Variants in ELK4 observed in about 807,000 individuals in gnomAD.
ELK4 encodes ETS domain-containing protein Elk-4.
Under a neutral mutation model 29.6 loss-of-function variants are expected in ELK4, and 16 were observed. The observed-to-expected ratio is 0.54, with a 90% confidence interval of 0.37 to 0.82. ELK4 has a LOEUF of 0.82. Ranked by LOEUF, ELK4 falls within the 40% of genes least tolerant of loss-of-function variation. The pLI is 0.00. For missense variants in ELK4, 465 were observed against 507.1 expected (o/e 0.92, Z 0.80); for synonymous variants, 213 against 191.1 (o/e 1.11, Z -0.95).
chr1:205,622,510 C>T (rs1315417726), intron 2 of ELK4, among the ~76,000 whole-genome samples: 2 of 152,152 alleles, frequency 1.3e-5, no homozygotes, highest in Non-Finnish European at 2.9e-5. Context: ...CCTCCTGCCT[C>T]AGCCTCCTGG....
chr1:205,629,560 T>C (rs1031939540), intron 1 of ELK4, among the ~76,000 whole-genome samples: 7 of 151,694 alleles, frequency 4.6e-5, no homozygotes, highest in African/African-American at 1.7e-4. Context: ...CTATTAAAAA[T>C]ACAAAAATTA....
chr1:205,614,683 C>G lies in ELK4; in HGVS notation c.*1863G>C. On this transcript the variant is annotated 3_prime_UTR_variant, in exon 5 of 5. Coordinates refer to ENST00000357992, the MANE Select transcript of ELK4 (RefSeq NM_001973.4). ...GCATAGATGTCTTCTTATACAAGAG[C>G]TTCTCTACACTGTATATAAGCACAT... 4.5e-6 allele frequency: 1 copy of G among 224,268 alleles called. No homozygotes were observed. The highest frequency in any genetic ancestry group is 8.9e-6 in the Non-Finnish European group (1 of 112,486). 13.9% of individuals were successfully genotyped at this position (224,268 alleles called of 1,614,324 possible).
rs1210339976 is a variant in ELK4 at position 205,616,131 on chromosome 1, A to G, written c.*415T>C. 8.3e-6 allele frequency: 2 copies of G among 240,876 alleles called. No individual in the cohort carries two copies. Among genetic ancestry groups the G allele is most frequent in the East Asian group, 1.2e-4 (2 of 16,792 alleles). 14.9% of individuals were successfully genotyped at this position (240,876 alleles called of 1,614,324 possible). A position where few individuals can be genotyped will look rare whatever the true frequency, so the allele number is the denominator to read the frequency against. ...ATTCATTTCACAAATATTTCTTTAA[A>G]TAATAGATTCTAAGCATAATTTTTC... On this transcript the variant is annotated 3_prime_UTR_variant, in exon 5 of 5. Transcript: ENST00000357992.
At chr1:205,623,412 C>A (rs1480207545) in intron 2 of ELK4, among the ~76,000 whole-genome samples, 1 of 150,132 alleles carries the variant, frequency 6.7e-6, no homozygotes. Context: ...CGGGTTCAAA[C>A]GATTCTCCTG....
intron 1 of ELK4, among the ~76,000 whole-genome samples, chr1:205,626,628 G>A (rs942227025): frequency 1.3e-5 from 2 of 152,076 alleles, no homozygotes; most frequent in Non-Finnish European, 2.9e-5. Flanking sequence ...AAAACCATCT[G>A]AGAAACCACT....
chr1:205,618,497 A>C (rs1670273483), intron 4 of ELK4, among the ~76,000 whole-genome samples: 1 of 152,238 alleles, frequency 6.6e-6, no homozygotes, highest in African/African-American at 2.4e-5. Context: ...CAGCTAGAAA[A>C]TTAATATTTG....
At chr1:205,627,366 G>T (rs556961497) in intron 1 of ELK4, among the ~76,000 whole-genome samples, 1 of 152,132 alleles carries the variant, frequency 6.6e-6, no homozygotes, top group African/African-American at 2.4e-5. Flanking sequence ...AAAATTAGCT[G>T]GGCGTGGTGG....
intron 1 of ELK4, chr1:205,626,223 C>A: frequency 1.8e-6 from 1 of 545,422 alleles, no homozygotes; most frequent in Non-Finnish European, 3.5e-6. Context: ...TTGACCTCCT[C>A]CTCCAAGCTC....
At chr1:205,631,422 ACG>A (rs1398358679) in intron 1 of ELK4, among the ~76,000 whole-genome samples, 11 of 127,666 alleles carry the variant, frequency 8.6e-5, no homozygotes, top group Non-Finnish European at 1.7e-4. Context: ...CCAAGAGGCG[ACG>A]AGAGCTGAGC....
intron 1 of ELK4, chr1:205,625,836 G>A (rs1043452893): frequency 1.7e-5 from 10 of 604,908 alleles, no homozygotes; most frequent in South Asian, 8.7e-5. Context: ...ATGCCACCAC[G>A]CCCAGCTAAT....
At chr1:205,618,192 C>T (rs1158455993) in intron 4 of ELK4, among the ~76,000 whole-genome samples, 2 of 151,858 alleles carry the variant, frequency 1.3e-5, no homozygotes, top group Middle Eastern at 3.2e-3. Context: ...CCATGCCTAA[C>T]TTAATTTTTT....
Position 205,631,930 on chromosome 1 carries a change from AGCG to A in ELK4, c.-311_-309del, listed in dbSNP as rs1231060213. The A allele has an allele frequency of 6.7e-6, 1 of 149,750 alleles. No homozygotes were observed. The highest frequency in any genetic ancestry group is 6.6e-5 in the Admixed American group (1 of 15,084). 9.3% of individuals were successfully genotyped at this position (149,750 alleles called of 1,614,324 possible). A position where few individuals can be genotyped will look rare whatever the true frequency, so the allele number is the denominator to read the frequency against. The stretch of plus-strand genomic sequence containing the variant: ...CGCGCGCGTTCGGGGCGTTCCTTGC[AGCG>A]GCGGGGCCTGCCAGGCCCTCCGCGG... On this transcript the variant is annotated 5_prime_UTR_variant, in exon 1 of 5. Transcript: ENST00000357992.
Position 205,615,978 on chromosome 1 carries a change from A to C in ELK4, c.*568T>G. On this transcript the variant is annotated 3_prime_UTR_variant, in exon 5 of 5. Coordinates refer to ENST00000357992, the MANE Select transcript of ELK4 (RefSeq NM_001973.4). ...TGCTTACACGTTATAGTTCACACAA[A>C]ACAATCTCCCCAGTATGACTGCTCC... The C allele has an allele frequency of 4.5e-6, 1 of 222,746 alleles. No individual in the cohort carries two copies. The highest frequency in any genetic ancestry group is 6.7e-5 in the East Asian group (1 of 15,018). The allele number at this position is 222,746 out of a possible 1,614,324, so 13.8% of individuals were successfully genotyped here.
rs558229084 is a variant in ELK4, at chr1:205,610,773, G to A, written c.*5773C>T. On this transcript the variant is annotated 3_prime_UTR_variant, in exon 5 of 5. Transcript: ENST00000357992. ...GTTCCCTATGAAAACAGATTTACAC[G>A]CGCACACACACACACACACACATTC... The A allele has an allele frequency of 2.2e-4, 50 of 229,548 alleles. No individual in the cohort carries two copies. In the East Asian group the frequency reaches 2.3e-3, roughly 10 times the overall value. 14.2% of individuals were successfully genotyped at this position (229,548 alleles called of 1,614,324 possible). A position where few individuals can be genotyped will look rare whatever the true frequency, so the allele number is the denominator to read the frequency against.
At chr1:205,622,115 G>A (rs1376547726) in intron 2 of ELK4, among the ~76,000 whole-genome samples, 1 of 152,076 alleles carries the variant, frequency 6.6e-6, no homozygotes, top group African/African-American at 2.4e-5. Flanking sequence ...TCGGGAGGCT[G>A]AGGCAGGTGA....
At chr1:205,620,936 C>G in intron 2 of ELK4, 98 bp from the exon 3 acceptor site, 1 of 1,324,230 alleles carries the variant, frequency 7.6e-7, no homozygotes, top group Non-Finnish European at 1.0e-6. Flanking sequence ...GTGGCTCATG[C>G]CTGTAATCCC....
rs768792842 is a variant in ELK4 at position 205,623,668 on chromosome 1, T to C, written c.207+8A>G. ...CTCTGTATAGTATAAGATCAGGATGTGTACTACCTTTACATAATAGTATCT... is the reference window on the plus strand; with the variant it reads ...CTCTGTATAGTATAAGATCAGGATGCGTACTACCTTTACATAATAGTATCT... On this transcript the variant is annotated splice_region_variant and intron_variant, in intron 2 of 4. Transcript: ENST00000357992. The C allele has an allele frequency of 1.9e-6, 3 of 1,613,700 alleles. No homozygotes were observed. The highest frequency in any genetic ancestry group is 2.7e-5 in the African/African-American group (2 of 75,038).
intron 2 of ELK4, 93 bp downstream of exon 2, chr1:205,623,583 G>A (rs1670395342): frequency 2.1e-6 from 3 of 1,430,122 alleles, no homozygotes; most frequent in Admixed American, 1.7e-5. Context: ...CCAAAGTGCT[G>A]GGATTACAGG....
intron 2 of ELK4, among the ~76,000 whole-genome samples, chr1:205,621,945 C>T (rs1225952168): frequency 6.6e-6 from 1 of 152,078 alleles, no homozygotes; most frequent in Non-Finnish European, 1.5e-5. Flanking sequence ...TGCACAGTGG[C>T]TCACGCCTGT....
Sources: allele counts gnomAD v4.1 joint callset (sites outside exome capture counted in the v4.1 genomes callset), GRCh38; gene constraint gnomAD v4.1.1; transcripts MANE v1.5; gene names NCBI Gene and HGNC (gene_info 2026-07-23, HGNC 2026-07-21).